Variants in PRKN observed in about 807,000 individuals in gnomAD.
The protein encoded by PRKN is parkin RBR E3 ubiquitin protein ligase, also known as E3 ubiquitin-protein ligase parkin.
In PRKN, 56 loss-of-function variants were observed where a neutral mutation model predicts 59.5. The observed-to-expected ratio is 0.94, with a 90% CI of 0.76 to 1.18. The LOEUF is 1.18. Among genes scored for constraint, PRKN ranks in the 50% most tolerant of loss-of-function variants. The pLI is 0.00. For missense variants in PRKN, 657 were observed against 596.4 expected, an observed-to-expected ratio of 1.10 and a Z score of -1.06; for synonymous variants, 250 against 222.1, an observed-to-expected ratio of 1.13 and a Z score of -1.12.
rs1253727832 is a variant in PRKN at position 161,352,417 on chromosome 6, A to ATACTT, written c.1286-2211_1286-2207dup. ...GAAAACTTACAACACTTTTATCTTC[A>ATACTT]TACTTTCCACTTAGGTTTGTGCCAT... On this transcript the variant is annotated intron_variant, in intron 11 of 11. Transcript: ENST00000366898. The surrounding 1 kb of genome is among the most constrained non-coding windows in gnomAD (Gnocchi z 5.8). Among the ~76,000 whole-genome samples, 3 of 152,110 alleles carry ATACTT rather than the reference A, an allele frequency of 2.0e-5. No individual in the cohort carries two copies. In the East Asian group the frequency reaches 5.8e-4, roughly 29 times the overall value.
chr6:162,066,514 T>C (rs1778345165), intron 4 of PRKN, among the ~76,000 whole-genome samples: 14 of 152,178 alleles, frequency 9.2e-5, no homozygotes, highest in Non-Finnish European at 1.5e-5. Context: ...GGAAAGCGTT[T>C]AAGTCACAAG....
intron 6 of PRKN, among the ~76,000 whole-genome samples, chr6:161,925,396 C>G (rs1273203265): frequency 6.6e-6 from 1 of 152,016 alleles, no homozygotes; most frequent in Non-Finnish European, 1.5e-5. Context: ...AGGGTGAAAT[C>G]CCGTCTCTAC....
chr6:161,906,871 G>A (rs1778170485), intron 6 of PRKN, among the ~76,000 whole-genome samples: 1 of 151,840 alleles, frequency 6.6e-6, no homozygotes, highest in African/African-American at 2.4e-5. Context: ...CAGCACGGGA[G>A]AAAGATGAAG....
chr6:162,126,829 T>TTTGC (rs1043169049), intron 4 of PRKN, among the ~76,000 whole-genome samples: 1 of 151,910 alleles, frequency 6.6e-6, no homozygotes, highest in Non-Finnish European at 1.5e-5. Context: ...TGTTTGTTTG[T>TTTGC]TTGCTTTTCC....
intron 7 of PRKN, among the ~76,000 whole-genome samples, chr6:161,714,292 G>A (rs1562627167): frequency 6.6e-6 from 1 of 152,156 alleles, no homozygotes; most frequent in Non-Finnish European, 1.5e-5. Flanking sequence ...CAAAAATCAG[G>A]TGTTGCCAAT....
chr6:161,660,823 T>C (rs551904528), intron 7 of PRKN, among the ~76,000 whole-genome samples: 1 of 152,298 alleles, frequency 6.6e-6, no homozygotes, highest in East Asian at 1.9e-4. Flanking sequence ...ACGTCCTGAC[T>C]CAGTTTGAAC....
In PRKN at chr6:162,351,378, G is replaced by T. The variant is rs145804137; in HGVS notation, c.172-88613C>A. Among the ~76,000 whole-genome samples the T allele has an allele frequency of 2.9e-4, 44 of 152,246 alleles. No homozygotes were observed. In the South Asian group the frequency reaches 5.2e-3, roughly 18 times the overall value. ...GGAAAATGCAAATTAAGACCACAAT[G>T]AGATACTACTACACACCTGTCAAAT... On this transcript the variant is annotated intron_variant, in intron 2 of 11. Transcript: ENST00000366898.
At chr6:161,948,207 G>C (rs1400944196) in intron 6 of PRKN, among the ~76,000 whole-genome samples, 1 of 152,016 alleles carries the variant, frequency 6.6e-6, no homozygotes. Flanking sequence ...GGCTGGTCTT[G>C]AACTCCTGAC....
In PRKN at chr6:161,582,971, A is replaced by AACACACACAC. The variant is rs768568929; in HGVS notation, c.872-13565_872-13556dup. Among the ~76,000 whole-genome samples, 20 of 117,234 alleles carry AACACACACAC rather than the reference A, an allele frequency of 1.7e-4. No individual in the cohort carries two copies. Among genetic ancestry groups the AACACACACAC allele is most frequent in the East Asian group, 1.1e-3 (4 of 3,512 alleles). 76.9% of individuals were successfully genotyped at this position (117,234 alleles called of 152,430 possible). A position where few individuals can be genotyped will look rare whatever the true frequency, so the allele number is the denominator to read the frequency against. On this transcript the variant is annotated intron_variant, in intron 7 of 11. Coordinates refer to ENST00000366898, the MANE Select transcript of PRKN (RefSeq NM_004562.3). The surrounding 1 kb of genome is among the most constrained non-coding windows in gnomAD (Gnocchi z 4.4). ...TCTTTCCAGTGAGATGGCCTATTCC[A>AACACACACAC]ACACACACACACACACACACACACA...
rs950235709 is a variant in PRKN at position 161,396,196 on chromosome 6, C to T, written c.1084-9319G>A. ...TGAAAACAATTCCTATGGGGACAGT[C>T]CTTATCTTCCAAGGTCCCCAGCTCT... On this transcript the variant is annotated intron_variant, in intron 9 of 11. Transcript: ENST00000366898. The surrounding 1 kb of genome is among the most constrained non-coding windows in gnomAD (Gnocchi z 5.4). Among the ~76,000 whole-genome samples, 1 of 152,156 alleles carries T rather than the reference C, an allele frequency of 6.6e-6. No individual in the cohort carries two copies. Among genetic ancestry groups the T allele is most frequent in the Admixed American group, 6.5e-5 (1 of 15,268 alleles).
intron 6 of PRKN, among the ~76,000 whole-genome samples, chr6:161,869,831 T>A (rs955669909): frequency 6.6e-6 from 1 of 152,126 alleles, no homozygotes; most frequent in African/African-American, 2.4e-5. Context: ...AAATTGTCTA[T>A]GAAAGGGAGA....
chr6:161,695,687 C>A (rs529589672), intron 7 of PRKN, among the ~76,000 whole-genome samples: 2 of 152,158 alleles, frequency 1.3e-5, no homozygotes, highest in Admixed American at 6.5e-5. Flanking sequence ...AGTCTGAGAT[C>A]TTTCCATAGA....
At chr6:162,380,483 G>GTGTGTATATATACATATATA (rs1786404998) in intron 2 of PRKN, among the ~76,000 whole-genome samples, 1 of 29,854 alleles carries the variant, frequency 3.3e-5, no homozygotes, top group African/African-American at 1.0e-4. Flanking sequence ...GTATATATAT[G>GTGTGTATATATACATATATA]TATATATACA....
At chr6:162,106,040 C>CA (rs1322060692) in intron 4 of PRKN, among the ~76,000 whole-genome samples, 1 of 152,022 alleles carries the variant, frequency 6.6e-6, no homozygotes, top group Non-Finnish European at 1.5e-5. Context: ...TAGGAGGAGA[C>CA]AAAAAAGTGG....
chr6:162,321,799 T>C (rs1480008130), intron 2 of PRKN, among the ~76,000 whole-genome samples: 1 of 152,064 alleles, frequency 6.6e-6, no homozygotes, highest in East Asian at 1.9e-4. Flanking sequence ...CTGACAAAAA[T>C]CTGAAGTCTG....
intron 6 of PRKN, among the ~76,000 whole-genome samples, chr6:161,951,926 A>G (rs1201262525): frequency 6.6e-6 from 1 of 152,078 alleles, no homozygotes; most frequent in African/African-American, 2.4e-5. Context: ...TTAAAAAAAA[A>G]AAAAAGAAAG....
At chr6:162,541,772 AGAT>A (rs1436735468) in intron 1 of PRKN, among the ~76,000 whole-genome samples, 2 of 152,118 alleles carry the variant, frequency 1.3e-5, no homozygotes, top group Non-Finnish European at 2.9e-5. Context: ...ACTAGGAGAG[AGAT>A]GATAAGAAGG....
chr6:162,375,540 A>T (rs761536564), intron 2 of PRKN, among the ~76,000 whole-genome samples: 2 of 151,992 alleles, frequency 1.3e-5, no homozygotes, highest in Non-Finnish European at 2.9e-5. Context: ...GCTCACTGGA[A>T]CGTTCTAGAT....
chr6:161,944,642 G>A (rs1779714891), intron 6 of PRKN, among the ~76,000 whole-genome samples: 1 of 152,166 alleles, frequency 6.6e-6, no homozygotes, highest in Non-Finnish European at 1.5e-5. Context: ...CACAGTGTCT[G>A]CTAAGAAGGC....
Sources: gnomAD v4.1 joint callset for allele counts (sites outside exome capture counted in the v4.1 genomes callset) on GRCh38, gnomAD v4.1.1 for gene constraint, Gnocchi (gnomAD v3.1) non-coding constraint, MANE v1.5 for transcripts, NCBI Gene and HGNC (gene_info 2026-07-23, HGNC 2026-07-21) for gene names.